Variants in REDIC1 observed in about 807,000 individuals in gnomAD.
REDIC1 encodes the protein regulator of DNA class I crossover intermediates 1.
the REDIC1 span, among the ~76,000 whole-genome samples, chr12:39,669,391 G>C: frequency 9.8e-5 from 15 of 152,290 alleles, no homozygotes; most frequent in South Asian, 3.1e-3. Context: ...AGCAAATGTT[G>C]CTGCCTTATT....
the REDIC1 span, among the ~76,000 whole-genome samples, chr12:39,733,651 G>A: frequency 2.1e-4 from 32 of 152,326 alleles, no homozygotes; most frequent in Middle Eastern, 3.4e-3. Context: ...GCTTTGCTGA[G>A]CTGCAGTGGG....
chr12:39,736,209 G>A, the REDIC1 span, among the ~76,000 whole-genome samples: 64 of 152,326 alleles, frequency 4.2e-4, no homozygotes, highest in African/African-American at 1.5e-3. Context: ...TGTGTGCATG[G>A]CTGGATTACA....
chr12:39,713,376 A>G, the REDIC1 span, among the ~76,000 whole-genome samples: 2 of 144,956 alleles, frequency 1.4e-5, no homozygotes, highest in South Asian at 2.1e-4. Context: ...ATACACATAT[A>G]CATATGTATG....
chr12:39,687,960 C>G, the REDIC1 span, among the ~76,000 whole-genome samples: 9 of 152,206 alleles, frequency 5.9e-5, no homozygotes, highest in African/African-American at 2.2e-4. Context: ...AGCCAAGATT[C>G]AAACTGTCTG....
the REDIC1 span, chr12:39,757,974 T>C: frequency 4.6e-5 from 7 of 152,106 alleles, no homozygotes; most frequent in Non-Finnish European, 7.4e-5. Flanking sequence ...ATTTTGATTG[T>C]ACCATATAGT....
chr12:39,667,145 T>C, the REDIC1 span, among the ~76,000 whole-genome samples: 4 of 152,228 alleles, frequency 2.6e-5, no homozygotes, highest in African/African-American at 9.6e-5. Flanking sequence ...TCTAGTTCTT[T>C]TAATTGTGGT....
At chr12:39,839,310 T>A in the REDIC1 span, among the ~76,000 whole-genome samples, 1 of 152,008 alleles carries the variant, frequency 6.6e-6, no homozygotes, top group Admixed American at 6.6e-5. Context: ...AGAGCATAGA[T>A]GTCGGTTGAT....
At chr12:39,711,684 C>T in the REDIC1 span, among the ~76,000 whole-genome samples, 2 of 112,570 alleles carry the variant, frequency 1.8e-5, 1 homozygote, top group Admixed American at 1.7e-4. Flanking sequence ...TGTGTGTATG[C>T]ACATGTATGT....
the REDIC1 span, among the ~76,000 whole-genome samples, chr12:39,724,642 G>A: frequency 6.6e-6 from 1 of 152,062 alleles, no homozygotes; most frequent in African/African-American, 2.4e-5. Context: ...GGCTTTATAG[G>A]TATAACTAAA....
chr12:39,659,168 T>G, the REDIC1 span, among the ~76,000 whole-genome samples: 1 of 152,012 alleles, frequency 6.6e-6, no homozygotes, highest in Non-Finnish European at 1.5e-5. Context: ...CAACTAGAAG[T>G]TTGCTGTCAT....
the REDIC1 span, among the ~76,000 whole-genome samples, chr12:39,734,550 T>A: frequency 0.74 from 111,945 of 152,122 alleles, 42,616 homozygotes; most frequent in Non-Finnish European, 0.84. Flanking sequence ...TCAGAAAATT[T>A]TTGTAATGTA....
At chr12:39,626,246 C>T in the REDIC1 span, 16 of 1,476,650 alleles carry the variant, frequency 1.1e-5, no homozygotes, top group Non-Finnish European at 1.5e-5. Context: ...TCAGGAGGCC[C>T]TGGGGGATCC....
At chr12:39,855,521 C>G in the REDIC1 span, among the ~76,000 whole-genome samples, 1 of 152,158 alleles carries the variant, frequency 6.6e-6, no homozygotes, top group Non-Finnish European at 1.5e-5. Context: ...TTTGCAATTA[C>G]GTATCTGCAT....
chr12:39,734,613 C>T, the REDIC1 span, among the ~76,000 whole-genome samples: 5 of 152,066 alleles, frequency 3.3e-5, no homozygotes, highest in African/African-American at 9.7e-5. Flanking sequence ...CATAGATATC[C>T]AGTTGCTCCA....
At chr12:39,815,552 GAAC>G in the REDIC1 span, among the ~76,000 whole-genome samples, 1 of 152,162 alleles carries the variant, frequency 6.6e-6, no homozygotes, top group South Asian at 2.1e-4. Flanking sequence ...CTGGCAGAGA[GAAC>G]AACATTATCC....
At chr12:39,751,193 A>G in the REDIC1 span, among the ~76,000 whole-genome samples, 1 of 152,264 alleles carries the variant, frequency 6.6e-6, no homozygotes, top group Non-Finnish European at 1.5e-5. Context: ...CAGAATGTAC[A>G]ATGAACTCCA....
chr12:39,733,170 C>T, the REDIC1 span, among the ~76,000 whole-genome samples: 3 of 151,906 alleles, frequency 2.0e-5, no homozygotes, highest in South Asian at 6.2e-4. Flanking sequence ...AAAATTTAAA[C>T]ACATTTTTAT....
At chr12:39,731,648 G>T in the REDIC1 span, among the ~76,000 whole-genome samples, 2 of 152,140 alleles carry the variant, frequency 1.3e-5, no homozygotes, top group East Asian at 1.9e-4. Context: ...ACTTGAGGAG[G>T]CAGTCTGTCC....
the REDIC1 span, among the ~76,000 whole-genome samples, chr12:39,857,793 T>A: frequency 2.0e-5 from 3 of 152,210 alleles, no homozygotes; most frequent in Non-Finnish European, 4.4e-5. Context: ...TATGACCCAG[T>A]CTTGTTGGTC....
Sources: gnomAD v4.1 joint callset for allele counts (sites outside exome capture counted in the v4.1 genomes callset) on GRCh38, gnomAD v4.1.1 for gene constraint, MANE v1.5 for transcripts, NCBI Gene and HGNC (gene_info 2026-07-23, HGNC 2026-07-21) for gene names.